Variants in TTLL5 observed in about 807,000 individuals in gnomAD.
The protein encoded by TTLL5 is tubulin polyglutamylase TTLL5.
A neutral mutation model predicts 168.4 loss-of-function variants in TTLL5; 132 were observed. The observed-to-expected ratio is 0.78, with a 90% CI of 0.68 to 0.91. TTLL5 has a LOEUF of 0.91. Among genes scored for constraint, TTLL5 ranks in the 40% least tolerant of loss-of-function variants. TTLL5 has a pLI of 0.00. For missense variants in TTLL5, 1,545 were observed against 1,581.5 expected, an observed-to-expected ratio of 0.98 and a Z score of 0.39; for synonymous variants, 546 against 558.6, an observed-to-expected ratio of 0.98 and a Z score of 0.32.
intron 22 of TTLL5, among the ~76,000 whole-genome samples, chr14:75,776,524 A>G (rs982959838): frequency 1.3e-5 from 2 of 152,242 alleles, no homozygotes; most frequent in Non-Finnish European, 2.9e-5. Context: ...TAAAATTTAC[A>G]TTCATTCTGC....
chr14:75,878,273 G>A (rs1260023765), intron 29 of TTLL5, among the ~76,000 whole-genome samples: 1 of 152,128 alleles, frequency 6.6e-6, no homozygotes, highest in African/African-American at 2.4e-5. Context: ...AAGTTAAAAG[G>A]GTTTTTTTCC....
chr14:75,853,400 A>G (rs1896975046), intron 28 of TTLL5, among the ~76,000 whole-genome samples: 1 of 152,106 alleles, frequency 6.6e-6, no homozygotes, highest in African/African-American at 2.4e-5. Flanking sequence ...TCACCTCCTC[A>G]TTCTTCCTGT....
intron 28 of TTLL5, 143 bp from the exon 29 acceptor site, chr14:75,863,524 G>A: frequency 1.3e-6 from 1 of 743,128 alleles, no homozygotes; most frequent in Non-Finnish European, 2.1e-6. Context: ...GTGGGGGAGT[G>A]AGATAATATC....
At chr14:75,925,787 G>C (rs1595281459) in intron 31 of TTLL5, among the ~76,000 whole-genome samples, 1 of 152,014 alleles carries the variant, frequency 6.6e-6, no homozygotes, top group Non-Finnish European at 1.5e-5. Context: ...ACCAGACTCC[G>C]TCTGCAATCC....
At chr14:75,835,492 T>C (rs1224755254) in intron 28 of TTLL5, 1 of 152,244 alleles carries the variant, frequency 6.6e-6, no homozygotes, top group East Asian at 1.9e-4. Flanking sequence ...GTTGATGTTA[T>C]GCTTCTCTTC....
chr14:75,910,474 C>A (rs746377283), intron 31 of TTLL5, among the ~76,000 whole-genome samples: 4 of 152,206 alleles, frequency 2.6e-5, no homozygotes, highest in African/African-American at 9.7e-5. Flanking sequence ...ATATATCACT[C>A]CAGGTTATCG....
chr14:75,718,780 C>CT (rs1179901813), intron 10 of TTLL5, among the ~76,000 whole-genome samples: 1 of 152,102 alleles, frequency 6.6e-6, no homozygotes, highest in Non-Finnish European at 1.5e-5. Context: ...GCTCTGTTTT[C>CT]TTTCATGCCG....
intron 7 of TTLL5, among the ~76,000 whole-genome samples, chr14:75,701,044 C>T (rs761635470): frequency 1.3e-5 from 2 of 149,202 alleles, no homozygotes; most frequent in Non-Finnish European, 1.5e-5. Context: ...TAACTTTTCT[C>T]GCATTTTTAA....
At chr14:75,900,191 G>A (rs907352415) in intron 30 of TTLL5, among the ~76,000 whole-genome samples, 21 of 152,202 alleles carry the variant, frequency 1.4e-4, no homozygotes, top group South Asian at 4.1e-4. Flanking sequence ...GAGGATTTCC[G>A]ATGTGGCTGT....
intron 6 of TTLL5, 59 bp from the exon 7 acceptor site, chr14:75,699,129 C>A: frequency 6.8e-7 from 1 of 1,477,414 alleles, no homozygotes; most frequent in Non-Finnish European, 9.4e-7. Flanking sequence ...ATATAATAAA[C>A]TCAAGTTCAT....
At chr14:75,869,433 A>C (rs967650134) in intron 29 of TTLL5, among the ~76,000 whole-genome samples, 1 of 152,094 alleles carries the variant, frequency 6.6e-6, no homozygotes, top group Non-Finnish European at 1.5e-5. Flanking sequence ...TTAAAACCTC[A>C]TTTTCCTTAT....
At chr14:75,750,767 A>T (rs1470575422) in intron 17 of TTLL5, among the ~76,000 whole-genome samples, 1 of 151,888 alleles carries the variant, frequency 6.6e-6, no homozygotes, top group Admixed American at 6.5e-5. Flanking sequence ...ACCCATGATA[A>T]AGTTAAATTT....
chr14:75,724,425 T>A (rs966877828), intron 12 of TTLL5, among the ~76,000 whole-genome samples: 3 of 152,168 alleles, frequency 2.0e-5, no homozygotes, highest in Non-Finnish European at 4.4e-5. Context: ...CAGATATAGA[T>A]ATATATATAC....
At chr14:75,698,855 T>A (rs1886052727) in intron 6 of TTLL5, among the ~76,000 whole-genome samples, 1 of 150,322 alleles carries the variant, frequency 6.7e-6, no homozygotes, top group Non-Finnish European at 1.5e-5. Context: ...CAATAAGCTA[T>A]GGAAGCACCA....
At chr14:75,795,426 A>AT (rs1445489868) in intron 27 of TTLL5, among the ~76,000 whole-genome samples, 5 of 151,862 alleles carry the variant, frequency 3.3e-5, no homozygotes, top group African/African-American at 1.2e-4. Context: ...GGTACATACG[A>AT]TTTTTTTTAT....
intron 28 of TTLL5, among the ~76,000 whole-genome samples, chr14:75,862,830 C>T (rs550454013): frequency 6.6e-6 from 1 of 152,040 alleles, no homozygotes; most frequent in Non-Finnish European, 1.5e-5. Context: ...CCTAGAATCC[C>T]AGCTTCTCAG....
chr14:75,854,000 G>C (rs1006743342), intron 28 of TTLL5, among the ~76,000 whole-genome samples: 1 of 151,928 alleles, frequency 6.6e-6, no homozygotes, highest in African/African-American at 2.4e-5. Flanking sequence ...CGGAGACCAT[G>C]CCACTGCCCT....
intron 30 of TTLL5, among the ~76,000 whole-genome samples, chr14:75,900,532 T>C (rs2032878177): frequency 6.6e-6 from 1 of 152,102 alleles, no homozygotes; most frequent in South Asian, 2.1e-4. Flanking sequence ...GTCCCCAGGC[T>C]CACCTGGAAA....
intron 31 of TTLL5, among the ~76,000 whole-genome samples, chr14:75,910,327 A>G (rs992312987): frequency 2.0e-5 from 3 of 152,190 alleles, no homozygotes; most frequent in East Asian, 3.9e-4. Context: ...AATTGTGCCT[A>G]CTCCTACATC....
Sources: gnomAD v4.1 joint callset for allele counts (sites outside exome capture counted in the v4.1 genomes callset) on GRCh38, gnomAD v4.1.1 for gene constraint, MANE v1.5 for transcripts, NCBI Gene and HGNC (gene_info 2026-07-23, HGNC 2026-07-21) for gene names.